The following ALDH7A1 variants were observed in gnomAD, a reference collection of about 807,000 sequenced individuals.
The protein encoded by ALDH7A1 is aldehyde dehydrogenase 7 family member A1.
ALDH7A1 carries 63 observed loss-of-function variants against 79.9 expected under a neutral mutation model. The observed-to-expected ratio is 0.79, with a 90% CI of 0.64 to 0.97. The LOEUF (loss-of-function observed/expected upper bound fraction) is 0.97, where lower values mean the gene tolerates loss of function less well. ALDH7A1 is among the 50% of genes least tolerant of loss of function. ALDH7A1 has a pLI of 0.00. For synonymous variants in ALDH7A1, 240 were observed against 231.2 expected, an observed-to-expected ratio of 1.04 and a Z score of -0.34; for missense variants, 627 against 665.2, an observed-to-expected ratio of 0.94 and a Z score of 0.63.
intron 5 of ALDH7A1, chr5:126,581,934 C>T (rs895265851): frequency 4.9e-5 from 17 of 344,900 alleles, no homozygotes; most frequent in Admixed American, 2.4e-4. Flanking sequence ...GCCAAGATCG[C>T]GCCACTGCAC....
chr5:126,554,435 T>G (rs1363987525), intron 12 of ALDH7A1, 42 bp from the exon 13 acceptor site: 4 of 1,522,340 alleles, frequency 2.6e-6, no homozygotes, highest in Non-Finnish European at 3.6e-6. Flanking sequence ...TTTTGCCCTT[T>G]ATGGCATCGT....
In ALDH7A1 at chr5:126,543,442, T is replaced by C. The variant is rs780351820; in HGVS notation, c.*1523A>G. The stretch of plus-strand genomic sequence containing the variant: ...TCAATAGCTATATCAGTATTTGGCT[T>C]GATTCATGTTCAATATTGACAACAG... On this transcript the variant is annotated 3_prime_UTR_variant, in exon 18 of 18. Transcript: ENST00000409134. The C allele has an allele frequency of 6.6e-6, 1 of 152,198 alleles. No homozygotes were observed. Among genetic ancestry groups the C allele is most frequent in the Admixed American group, 6.5e-5 (1 of 15,282 alleles). 9.4% of individuals were successfully genotyped at this position (152,198 alleles called of 1,614,324 possible).
At chr5:126,577,007 G>C in intron 6 of ALDH7A1, 72 bp downstream of exon 6, 1 of 1,591,494 alleles carries the variant, frequency 6.3e-7, no homozygotes, top group East Asian at 2.2e-5. Context: ...TACTGAAGAG[G>C]CTGAGGTAGT....
In ALDH7A1 at chr5:126,571,244, G is replaced by A. The variant is rs966047540; in HGVS notation, c.696-385C>T. The A allele has an allele frequency of 6.2e-4, 171 of 276,788 alleles. 1 individual carries two copies. The highest frequency in any genetic ancestry group is 2.6e-3 in the Middle Eastern group (2 of 758). The allele number at this position is 276,788 out of a possible 1,614,324, so 17.1% of individuals were successfully genotyped here. ...TGCAATCCCAGCACTTTGGGAGGCC[G>A]AAGCAGGTGGATCACTTGAGGTGAG... On this transcript the variant is annotated intron_variant, in intron 7 of 17. Transcript: ENST00000409134.
At chr5:126,575,323 C>T (rs900026236) in intron 7 of ALDH7A1, 97 bp downstream of exon 7, 2 of 1,139,880 alleles carry the variant, frequency 1.8e-6, no homozygotes, top group African/African-American at 1.5e-5. Flanking sequence ...AAATTCCATG[C>T]TATGTGACTC....
At chr5:126,582,119 T>C (rs1211622105) in intron 5 of ALDH7A1, 2 of 398,494 alleles carry the variant, frequency 5.0e-6, no homozygotes, top group East Asian at 3.6e-5. Context: ...GGAGAGAAGT[T>C]TGAGACCAGC....
intron 3 of ALDH7A1, among the ~76,000 whole-genome samples, chr5:126,585,167 A>G (rs1283235362): frequency 1.3e-5 from 2 of 152,070 alleles, no homozygotes; most frequent in African/African-American, 2.4e-5. Context: ...GCATGGTGGC[A>G]GGTGCCTGTA....
intron 2 of ALDH7A1, among the ~76,000 whole-genome samples, chr5:126,592,995 A>G (rs1193674138): frequency 1.3e-5 from 2 of 152,324 alleles, no homozygotes; most frequent in Non-Finnish European, 2.9e-5. Flanking sequence ...CATATTAGAA[A>G]TGCAGAACCT....
At chr5:126,554,773 C>T (rs1017452421) in intron 12 of ALDH7A1, 2 of 341,830 alleles carry the variant, frequency 5.9e-6, no homozygotes, top group South Asian at 4.9e-5. Context: ...GGTCAGTTTA[C>T]TCATTACAGT....
intron 16 of ALDH7A1, 73 bp from the exon 17 acceptor site, chr5:126,546,472 A>G: frequency 1.5e-6 from 2 of 1,376,288 alleles, no homozygotes; most frequent in African/African-American, 1.4e-5. Flanking sequence ...ATCAATGAAA[A>G]GAAGATACCA....
chr5:126,578,771 A>G (rs1751070443), intron 5 of ALDH7A1, among the ~76,000 whole-genome samples: 1 of 152,252 alleles, frequency 6.6e-6, no homozygotes, highest in African/African-American at 2.4e-5. Context: ...GCAGCTGGAC[A>G]GTATAGAACC....
rs1195228817 is a variant in ALDH7A1, at chr5:126,570,829, CTTG to C, written c.723_725del (p.Asn241del). On this transcript the variant is annotated inframe_deletion, in exon 8 of 18. Transcript: ENST00000409134. ...TCAAGGAACAAATTGCACCAGGCAGCTTGTTGTCCTCCAGAACCTTGGCTATTA... is the reference window on the plus strand; with the variant it reads ...TCAAGGAACAAATTGCACCAGGCAGCTTGTCCTCCAGAACCTTGGCTATTA... 11 of 1,613,870 alleles carry C rather than the reference CTTG, an allele frequency of 6.8e-6. No individual in the cohort carries two copies. In the East Asian group the frequency reaches 2.0e-4, roughly 29 times the overall value.
At position 126,544,969 on chromosome 5, in the gene ALDH7A1, TG is replaced by T; in HGVS notation, c.1615del (p.Gln539SerfsTer12). 6.2e-7 allele frequency: 1 copy of T among 1,608,890 alleles called. No individual in the cohort carries two copies. Among genetic ancestry groups the T allele is most frequent in the South Asian group, 1.1e-5 (1 of 90,978 alleles). ...DLPLAQGIKF[Q>X] ...GGATGTTCATCTAAAACACCTTTAC[TG>T]AAACTTGATTCCTTGGGCCAGAGGA... On this transcript the variant is annotated frameshift_variant, in exon 18 of 18. Coordinates refer to ENST00000409134, the MANE Select transcript of ALDH7A1 (RefSeq NM_001182.5). LOFTEE classifies it high-confidence loss of function.
intron 13 of ALDH7A1, 55 bp downstream of exon 13, chr5:126,554,232 C>A: frequency 6.7e-7 from 1 of 1,502,192 alleles, no homozygotes; most frequent in Non-Finnish European, 9.3e-7. Flanking sequence ...CTGCTTGTGT[C>A]TCAGGGAAAA....
intron 1 of ALDH7A1, chr5:126,593,987 C>T (rs1751649815): frequency 3.5e-6 from 1 of 286,056 alleles, no homozygotes; most frequent in Admixed American, 4.4e-5. Context: ...GACGTGTTCC[C>T]TCTACCAAGG....
At chr5:126,550,757 AT>A (rs1405035550) in intron 14 of ALDH7A1, among the ~76,000 whole-genome samples, 1 of 152,252 alleles carries the variant, frequency 6.6e-6, no homozygotes, top group African/African-American at 2.4e-5. Context: ...ACAAAATTAT[AT>A]TCTCTAGTCC....
chr5:126,571,150 ATTTTTTTTTTTT>A (rs386404930), intron 7 of ALDH7A1: 2,635 of 221,580 alleles, frequency 0.012, 4 homozygotes, highest in African/African-American at 0.02. Flanking sequence ...CTATTAGCAG[ATTTTTTTTTTTT>A]TTTTTTTTTT....
intron 3 of ALDH7A1, among the ~76,000 whole-genome samples, chr5:126,590,253 TGAG>T (rs1274592432): frequency 6.6e-6 from 1 of 152,242 alleles, no homozygotes; most frequent in Non-Finnish European, 1.5e-5. Context: ...GTCTGGGAAG[TGAG>T]GAGCCCCTCT....
chr5:126,593,475 G>A (rs776403288), intron 1 of ALDH7A1, 71 bp from the exon 2 acceptor site: 94 of 1,599,942 alleles, frequency 5.9e-5, no homozygotes, highest in Non-Finnish European at 7.5e-5. Context: ...TAGACCAAAC[G>A]GGGAAGAAAA....
Sources: gnomAD v4.1 joint callset for allele counts (sites outside exome capture counted in the v4.1 genomes callset) on GRCh38, gnomAD v4.1.1 for gene constraint, MANE v1.5 for transcripts, NCBI Gene and HGNC (gene_info 2026-07-23, HGNC 2026-07-21) for gene names.